The following ECT2 variants were observed in gnomAD, a reference collection of about 807,000 sequenced individuals.
ECT2 encodes protein ECT2.
Under a neutral mutation model 116.9 loss-of-function variants are expected in ECT2, and 61 were observed. That is an observed-to-expected ratio of 0.52 (90% CI 0.42 to 0.65). ECT2 has a LOEUF of 0.65. Ranked by LOEUF, ECT2 falls within the 30% of genes least tolerant of loss-of-function variation. ECT2 has a pLI of 0.00. For synonymous variants in ECT2, 358 were observed against 346.4 expected, an observed-to-expected ratio of 1.03 and a Z score of -0.37; for missense variants, 937 against 1,078.7, an observed-to-expected ratio of 0.87 and a Z score of 1.84.
At chr3:172,790,740 C>CA (rs1235898279) in intron 18 of ECT2, among the ~76,000 whole-genome samples, 8 of 152,310 alleles carry the variant, frequency 5.3e-5, no homozygotes, top group African/African-American at 1.4e-4. Flanking sequence ...GGCATGAAAG[C>CA]AAAATTAGTC....
chr3:172,782,285 G>A, intron 15 of ECT2, 54 bp downstream of exon 15: 1 of 1,051,820 alleles, frequency 9.5e-7, no homozygotes, highest in South Asian at 1.6e-5. Context: ...ATCTCATCAA[G>A]GACTGGCAAG....
intron 15 of ECT2, 25 bp from the exon 16 acceptor site, chr3:172,783,774 A>G: frequency 7.0e-7 from 1 of 1,421,112 alleles, no homozygotes; most frequent in South Asian, 1.2e-5. Flanking sequence ...ATAATAAATA[A>G]TGTTTTTTTC....
At chr3:172,752,201 C>G (rs1416763424) in intron 1 of ECT2, 1 of 151,886 alleles carries the variant, frequency 6.6e-6, no homozygotes, top group Non-Finnish European at 1.5e-5. Context: ...ACGATCTCGG[C>G]TCACTGCAAC....
chr3:172,805,033 C>T (rs989520033), intron 20 of ECT2, among the ~76,000 whole-genome samples: 2 of 151,934 alleles, frequency 1.3e-5, no homozygotes, highest in African/African-American at 4.8e-5. Context: ...TAAACTTATT[C>T]TTTAGCTTGT....
intron 18 of ECT2, among the ~76,000 whole-genome samples, chr3:172,798,389 C>T (rs1267529590): frequency 2.0e-5 from 3 of 152,056 alleles, no homozygotes; most frequent in Non-Finnish European, 4.4e-5. Context: ...AAAACATAAT[C>T]ATGAAAATGA....
At chr3:172,762,296 AAT>A in intron 8 of ECT2, 118 bp from the exon 9 acceptor site, 1 of 1,062,680 alleles carries the variant, frequency 9.4e-7, no homozygotes, top group East Asian at 2.7e-5. Context: ...CCAAATATTA[AAT>A]AGTTTCAATA....
rs771112835 is a variant in ECT2 at position 172,782,137 on chromosome 3, A to T, written c.1549-26A>T. On this transcript the variant is annotated intron_variant, in intron 14 of 24. Coordinates refer to ENST00000392692, the MANE Select transcript of ECT2 (RefSeq NM_001258315.2). ...ATAAGGAGCTGTCAGGTTTAATTTT[A>T]AATATTTCAATTCGTGCTATTTCAG... 6 of 1,440,098 alleles carry T rather than the reference A, an allele frequency of 4.2e-6. No individual in the cohort carries two copies. The South Asian group carries it at 7.1e-5, about 17-fold the overall frequency. 89.2% of individuals were successfully genotyped at this position (1,440,098 alleles called of 1,614,324 possible). A position where few individuals can be genotyped will look rare whatever the true frequency, so the allele number is the denominator to read the frequency against.
chr3:172,814,973 C>T (rs1002417394), intron 22 of ECT2, among the ~76,000 whole-genome samples: 1 of 152,186 alleles, frequency 6.6e-6, no homozygotes, highest in Non-Finnish European at 1.5e-5. Context: ...CCTGTCCTCC[C>T]CAGCATGTCA....
downstream of ECT2, among the ~76,000 whole-genome samples, chr3:172,822,133 A>G (rs1730722372): frequency 6.6e-6 from 1 of 151,958 alleles, no homozygotes; most frequent in Non-Finnish European, 1.5e-5. Context: ...TTTTCCAAGA[A>G]TCCAAGGTTA....
Position 172,762,716 on chromosome 3 carries a change from T to C in ECT2, c.915T>C (p.Asp305=). The part of the protein sequence containing the change: ...MQGGKYLPLG[D]ERCTHLVVEE... ...GAGGTAAATATTTACCGCTTGGAGA[T>C]GAAAGATGCACTCACCTTGTAGTTG... Residue 305 remains aspartate, a synonymous_variant, in exon 10 of 25, where the codon GAT becomes GAC. Coordinates refer to ENST00000392692, the MANE Select transcript of ECT2 (RefSeq NM_001258315.2). 6.2e-7 allele frequency: 1 copy of C among 1,611,890 alleles called. No homozygotes were observed. The highest frequency in any genetic ancestry group is 1.1e-5 in the South Asian group (1 of 90,430).
chr3:172,801,326 T>A (rs1422580277), intron 18 of ECT2, among the ~76,000 whole-genome samples: 1 of 152,208 alleles, frequency 6.6e-6, no homozygotes, highest in East Asian at 1.9e-4. Context: ...TTAGGCAGAA[T>A]CAGAACAGTA....
In ECT2 at chr3:172,799,895, A is replaced by G. The variant is rs570500462; in HGVS notation, c.1908-2721A>G. 1.7e-3 allele frequency among the ~76,000 whole-genome samples: 264 copies of G among 152,304 alleles called. 3 individuals carry two copies. The highest frequency in any genetic ancestry group is 5.8e-3 in the African/African-American group (241 of 41,558). ...GGCTGCTAATACCTATGGAATTAACAAGATGGAACTCAGTGCTGGACTTCA... is the reference window on the plus strand; with the variant it reads ...GGCTGCTAATACCTATGGAATTAACGAGATGGAACTCAGTGCTGGACTTCA... On this transcript the variant is annotated intron_variant, in intron 18 of 24. Transcript: ENST00000392692.
chr3:172,818,953 T>G (rs1037993335), intron 24 of ECT2: 2 of 630,208 alleles, frequency 3.2e-6, no homozygotes, highest in Admixed American at 1.1e-4. Context: ...AATAACAATT[T>G]AGGTTTAATA....
intron 18 of ECT2, among the ~76,000 whole-genome samples, chr3:172,790,490 C>A (rs1724465930): frequency 6.6e-6 from 1 of 152,190 alleles, no homozygotes; most frequent in Non-Finnish European, 1.5e-5. Context: ...TATGGCTGTC[C>A]ACTGCAGCCT....
At chr3:172,779,861 A>C (rs1173088743) in intron 14 of ECT2, among the ~76,000 whole-genome samples, 2 of 151,358 alleles carry the variant, frequency 1.3e-5, no homozygotes, top group African/African-American at 2.4e-5. Context: ...GTGCCACTGC[A>C]CTCCAGCCTG....
At chr3:172,767,591 C>G (rs1719730491) in intron 12 of ECT2, among the ~76,000 whole-genome samples, 1 of 151,980 alleles carries the variant, frequency 6.6e-6, no homozygotes, top group South Asian at 2.1e-4. Context: ...ATTCCTTTTC[C>G]TGTTGAAAAA....
chr3:172,767,130 G>C (rs1313568037), intron 12 of ECT2, among the ~76,000 whole-genome samples: 1 of 152,154 alleles, frequency 6.6e-6, no homozygotes, highest in Non-Finnish European at 1.5e-5. Flanking sequence ...GAAATTTTTT[G>C]AGATTCTGTT....
chr3:172,782,047 A>G (rs1156925486), intron 14 of ECT2, 116 bp from the exon 15 acceptor site: 2 of 472,096 alleles, frequency 4.2e-6, no homozygotes, highest in Non-Finnish European at 7.3e-6. Context: ...TATTTTACAC[A>G]TCAAATTAAG....
At chr3:172,766,508 A>G (rs749236891) in intron 12 of ECT2, among the ~76,000 whole-genome samples, 17 of 152,226 alleles carry the variant, frequency 1.1e-4, no homozygotes, top group African/African-American at 3.4e-4. Flanking sequence ...ATCTATTACA[A>G]TCGCTTCGGC....
Sources: gnomAD v4.1 joint callset for allele counts (sites outside exome capture counted in the v4.1 genomes callset) on GRCh38, gnomAD v4.1.1 for gene constraint, MANE v1.5 for transcripts, NCBI Gene and HGNC (gene_info 2026-07-23, HGNC 2026-07-21) for gene names.